The following GPR149 variants were observed in gnomAD, a reference collection of about 807,000 sequenced individuals.
The protein encoded by GPR149 is G protein-coupled receptor 149.
A neutral mutation model predicts 50.2 loss-of-function variants in GPR149; 50 were observed. The observed-to-expected ratio is 1.00, with a 90% CI of 0.79 to 1.26. The LOEUF is 1.26. Ranked by LOEUF, GPR149 falls within the 50% of genes most tolerant of loss-of-function variation. GPR149 has a pLI of 0.00. For missense variants in GPR149, 983 were observed against 895.4 expected (o/e 1.10, Z -1.25); for synonymous variants, 405 against 358.2 (o/e 1.13, Z -1.48).
chr3:154,390,129 C>T (rs995537918), intron 3 of GPR149, among the ~76,000 whole-genome samples: 1 of 152,040 alleles, frequency 6.6e-6, no homozygotes, highest in East Asian at 1.9e-4. Flanking sequence ...TGGTGAGGAT[C>T]CTCTCCTGTA....
intron 3 of GPR149, among the ~76,000 whole-genome samples, chr3:154,388,636 A>G (rs1715099162): frequency 6.6e-6 from 1 of 152,166 alleles, no homozygotes; most frequent in South Asian, 2.1e-4. Context: ...TGGAGCTGAC[A>G]GGCAGGAACA....
chr3:154,427,388 C>G (rs1250457523), intron 2 of GPR149, 128 bp downstream of exon 2: 9 of 667,646 alleles, frequency 1.3e-5, no homozygotes, highest in Non-Finnish European at 1.7e-5. Flanking sequence ...AATTTCTTCT[C>G]ACTATTTACC....
chr3:154,398,517 T>A (rs1415318664), intron 3 of GPR149, among the ~76,000 whole-genome samples: 1 of 152,166 alleles, frequency 6.6e-6, no homozygotes. Context: ...TCTATTTGCA[T>A]CTGAATTGAA....
intron 3 of GPR149, among the ~76,000 whole-genome samples, chr3:154,395,777 T>C (rs1476104946): frequency 4.6e-5 from 7 of 152,184 alleles, no homozygotes; most frequent in Non-Finnish European, 7.4e-5. Flanking sequence ...TACTCCAGCC[T>C]GGGTGACAGA....
rs957204055 is a variant in GPR149 at position 154,421,195 on chromosome 3, C to T, written c.1467G>A (p.Lys489=). ...TEAKQDSNNK[K]DAFSDKTGGD... is the part of the protein sequence containing the mutation. Reference sequence around the variant, plus strand: ...CTCCTGTTTTGTCAGAAAACGCATCCTTTTTGTTGTTGGAATCCTGTTTAG... The same window carrying T: ...CTCCTGTTTTGTCAGAAAACGCATCTTTTTTGTTGTTGGAATCCTGTTTAG... The change falls in exon 3 of 4, where the codon AAG becomes AAA. Residue 489 remains lysine, a synonymous_variant. Transcript: ENST00000389740. The T allele has an allele frequency of 3.1e-6, 5 of 1,613,306 alleles. No individual in the cohort carries two copies. The highest frequency in any genetic ancestry group is 1.3e-5 in the African/African-American group (1 of 74,822).
chr3:154,353,418 T>C (rs1466895435), intron 3 of GPR149: 1 of 1,066,756 alleles, frequency 9.4e-7, no homozygotes, highest in Non-Finnish European at 1.5e-6. Context: ...GTGAATCACA[T>C]CTTCAACTTG....
Position 154,428,715 on chromosome 3 carries a change from T to G in GPR149, c.901A>C (p.Ser301Arg). 1 of 1,614,056 alleles carries G rather than the reference T, an allele frequency of 6.2e-7. No individual in the cohort carries two copies. The highest frequency in any genetic ancestry group is 8.5e-7 in the Non-Finnish European group (1 of 1,180,024). Residue 301 changes from serine (S) to arginine (R), a missense_variant, in exon 1 of 4, where the codon AGC becomes CGC. Coordinates refer to ENST00000389740, the MANE Select transcript of GPR149 (RefSeq NM_001038705.3). ...TTCTGCGCTACGCTCACGGTGAAGC[T>G]CCTGGTGCCATAGAGAGTCCCCCGG... Reference protein sequence around the residue: ...ENRGTLYGTRSFTVSVAQKRF... With the variant: ...ENRGTLYGTRRFTVSVAQKRF...
intron 3 of GPR149, among the ~76,000 whole-genome samples, chr3:154,344,277 AACTTGAGTCACAAACC>A (rs1713872617): frequency 6.6e-6 from 1 of 152,210 alleles, no homozygotes; most frequent in Admixed American, 6.5e-5. Flanking sequence ...AATACTATAC[AACTTGAGTCACAAACC>A]ACAGTGTAGC....
At chr3:154,373,569 A>G (rs1358314859) in intron 3 of GPR149, among the ~76,000 whole-genome samples, 1 of 152,186 alleles carries the variant, frequency 6.6e-6, no homozygotes, top group Non-Finnish European at 1.5e-5. Context: ...GTTTGTTTGT[A>G]TCTGTCAGAA....
intron 3 of GPR149, among the ~76,000 whole-genome samples, chr3:154,354,455 G>A (rs1241472324): frequency 6.6e-6 from 1 of 152,202 alleles, no homozygotes; most frequent in Non-Finnish European, 1.5e-5. Flanking sequence ...TGCCACCTTA[G>A]CCTCTTCAGC....
chr3:154,401,843 A>T (rs534604028), intron 3 of GPR149, among the ~76,000 whole-genome samples: 1 of 152,312 alleles, frequency 6.6e-6, no homozygotes, highest in South Asian at 2.1e-4. Flanking sequence ...TGATGTTAGG[A>T]AGTCTAAATA....
intron 3 of GPR149, among the ~76,000 whole-genome samples, chr3:154,380,725 G>T (rs1223266561): frequency 7.2e-5 from 11 of 151,846 alleles, no homozygotes; most frequent in African/African-American, 2.7e-4. Flanking sequence ...TTTTTTAAAT[G>T]AAAACCTACT....
At chr3:154,388,069 G>T (rs1443304452) in intron 3 of GPR149, among the ~76,000 whole-genome samples, 1 of 152,026 alleles carries the variant, frequency 6.6e-6, no homozygotes, top group Non-Finnish European at 1.5e-5. Context: ...TTGCAGGAAA[G>T]CATATTGATA....
intron 3 of GPR149, among the ~76,000 whole-genome samples, chr3:154,351,665 A>G (rs1372710420): frequency 6.6e-6 from 1 of 152,216 alleles, no homozygotes; most frequent in Non-Finnish European, 1.5e-5. Context: ...TGTAGGAACC[A>G]TACTTTGAAT....
intron 3 of GPR149, among the ~76,000 whole-genome samples, chr3:154,342,496 C>T (rs1345593961): frequency 6.6e-6 from 1 of 152,202 alleles, no homozygotes; most frequent in Non-Finnish European, 1.5e-5. Flanking sequence ...GAAACCTCCA[C>T]CTCCCAAGTT....
rs1355631246 is a variant in GPR149, at chr3:154,428,673, G to A, written c.943C>T (p.Leu315=). 1 of 1,613,452 alleles carries A rather than the reference G, an allele frequency of 6.2e-7. No individual in the cohort carries two copies. The highest frequency in any genetic ancestry group is 1.3e-5 in the African/African-American group (1 of 74,860). The part of the protein sequence containing the change: ...SVAQKRFALI[L]ALTKVVLWLP... ...CAAAGGACGACTTTTGTAAGCGCTA[G>A]GATCAAAGCGAAGCGCTTCTGCGCT... Residue 315 remains leucine (L), a synonymous_variant, in exon 1 of 4, where the codon CTA becomes TTA. Coordinates refer to ENST00000389740, the MANE Select transcript of GPR149 (RefSeq NM_001038705.3).
At chr3:154,400,375 C>G (rs937239272) in intron 3 of GPR149, among the ~76,000 whole-genome samples, 2 of 152,098 alleles carry the variant, frequency 1.3e-5, no homozygotes, top group African/African-American at 4.8e-5. Context: ...ATATTATTTG[C>G]CTTAAGTAAT....
At chr3:154,384,104 A>G (rs1490548631) in intron 3 of GPR149, among the ~76,000 whole-genome samples, 3 of 152,198 alleles carry the variant, frequency 2.0e-5, no homozygotes, top group African/African-American at 7.2e-5. Flanking sequence ...AGAAATTTAC[A>G]TACAAGATAC....
intron 3 of GPR149, among the ~76,000 whole-genome samples, chr3:154,377,376 A>ATTATTATTG (rs1714817699): frequency 6.7e-6 from 1 of 148,228 alleles, no homozygotes; most frequent in African/African-American, 2.5e-5. Context: ...TATTATTATT[A>ATTATTATTG]TTATTATTAT....
Sources: allele counts gnomAD v4.1 joint callset (sites outside exome capture counted in the v4.1 genomes callset), GRCh38; gene constraint gnomAD v4.1.1; transcripts MANE v1.5; gene names NCBI Gene and HGNC (gene_info 2026-07-23, HGNC 2026-07-21).